TMEM232: variants seen among roughly 807,000 people sequenced by gnomAD.
TMEM232 encodes the protein transmembrane protein 232.
Under a neutral mutation model 78.8 loss-of-function variants are expected in TMEM232, and 80 were observed. The observed-to-expected ratio is 1.01, with a 90% CI of 0.85 to 1.22. TMEM232 has a LOEUF of 1.22. Ranked by LOEUF, TMEM232 falls within the 50% of genes most tolerant of loss-of-function variation. TMEM232 has a pLI of 0.00. For synonymous variants in TMEM232, 297 were observed against 254.3 expected (o/e 1.17, Z -1.60); for missense variants, 881 against 742.2 (o/e 1.19, Z -2.17).
At position 110,704,177 on chromosome 5, in the gene TMEM232, G is replaced by C. The variant is rs559971853; in HGVS notation, c.-13+22450C>G. Among the ~76,000 whole-genome samples, 5 of 152,160 alleles carry C rather than the reference G, an allele frequency of 3.3e-5. No homozygotes were observed. In the South Asian group the frequency reaches 8.3e-4, roughly 25 times the overall value. ...TTAAGTATCATGATCACTAGACATA[G>C]GACTATGTTTATTGGAAGAGACATC... On this transcript the variant is annotated intron_variant, in intron 1 of 13. Transcript: ENST00000455884.
intron 12 of TMEM232, among the ~76,000 whole-genome samples, chr5:110,443,827 C>T (rs567017373): frequency 6.6e-6 from 1 of 152,246 alleles, no homozygotes; most frequent in African/African-American, 2.4e-5. Context: ...TGGGTCCTTC[C>T]TTTCAAGGCA....
chr5:110,394,953 T>TG (rs1166007898), intron 3 of TMEM232, among the ~76,000 whole-genome samples: 1 of 152,034 alleles, frequency 6.6e-6, no homozygotes, highest in Non-Finnish European at 1.5e-5. Flanking sequence ...GGAAGAAGTG[T>TG]GGGGGTAGTT....
At chr5:110,528,915 A>G (rs1232591843) in intron 11 of TMEM232, 80 bp from the exon 12 acceptor site, 2 of 1,161,734 alleles carry the variant, frequency 1.7e-6, no homozygotes, top group African/African-American at 1.6e-5. Flanking sequence ...TAAATTTTTT[A>G]AAGTATCTTT....
At chr5:110,651,450 G>C (rs751856065) in intron 2 of TMEM232, among the ~76,000 whole-genome samples, 1 of 145,378 alleles carries the variant, frequency 6.9e-6, no homozygotes, top group Non-Finnish European at 1.5e-5. Context: ...GGGAGGAAAA[G>C]GGAAAGGGAA....
At chr5:110,721,109 G>A (rs1207886149) in intron 1 of TMEM232, among the ~76,000 whole-genome samples, 1 of 152,020 alleles carries the variant, frequency 6.6e-6, no homozygotes, top group South Asian at 2.1e-4. Context: ...TCCCGGTAAA[G>A]TTATAAGACA....
At chr5:110,591,485 C>G (rs1461050379) in intron 10 of TMEM232, among the ~76,000 whole-genome samples, 1 of 152,238 alleles carries the variant, frequency 6.6e-6, no homozygotes, top group African/African-American at 2.4e-5. Flanking sequence ...AAAAGAAATA[C>G]TTCCTCACCT....
chr5:110,515,613 A>C (rs1768498243), intron 12 of TMEM232, among the ~76,000 whole-genome samples: 2 of 152,202 alleles, frequency 1.3e-5, no homozygotes, highest in Non-Finnish European at 2.9e-5. Flanking sequence ...ATAATTCAAA[A>C]TGTAAACCAT....
intron 2 of TMEM232, among the ~76,000 whole-genome samples, chr5:110,651,119 G>A (rs1466888962): frequency 1.3e-5 from 2 of 152,062 alleles, no homozygotes; most frequent in African/African-American, 4.8e-5. Context: ...TAGGCAAGAG[G>A]ACACAAAACG....
chr5:110,707,861 C>T (rs984569542), intron 1 of TMEM232, among the ~76,000 whole-genome samples: 18 of 152,158 alleles, frequency 1.2e-4, no homozygotes, highest in Non-Finnish European at 2.4e-4. Context: ...AGTCATGAGG[C>T]TCCTGTTCCA....
At chr5:110,560,042 A>G (rs565511544) in intron 11 of TMEM232, among the ~76,000 whole-genome samples, 2 of 152,288 alleles carry the variant, frequency 1.3e-5, no homozygotes, top group South Asian at 4.1e-4. Context: ...TTAACTAATT[A>G]CAACTACAAT....
At chr5:110,614,748 G>C (rs962738680) in intron 8 of TMEM232, among the ~76,000 whole-genome samples, 2 of 151,846 alleles carry the variant, frequency 1.3e-5, no homozygotes, top group African/African-American at 2.4e-5. Context: ...AGTTTTCCAA[G>C]GGCTTACGTA....
chr5:110,714,853 G>A (rs1580769332), intron 1 of TMEM232, among the ~76,000 whole-genome samples: 1 of 152,078 alleles, frequency 6.6e-6, no homozygotes, highest in Non-Finnish European at 1.5e-5. Context: ...AAAAAGGACT[G>A]ACCTATAAAC....
At chr5:110,603,089 A>G (rs1339436418) in intron 10 of TMEM232, among the ~76,000 whole-genome samples, 2 of 152,124 alleles carry the variant, frequency 1.3e-5, no homozygotes, top group African/African-American at 4.8e-5. Context: ...GGAGTTGAAC[A>G]ATGGGAACCC....
At chr5:110,433,317 CAAG>C (rs1758064086) in intron 12 of TMEM232, among the ~76,000 whole-genome samples, 1 of 151,580 alleles carries the variant, frequency 6.6e-6, no homozygotes, top group Non-Finnish European at 1.5e-5. Flanking sequence ...AAGTCAATAC[CAAG>C]AAGAACTCTC....
intron 10 of TMEM232, among the ~76,000 whole-genome samples, chr5:110,575,466 T>C (rs1418326286): frequency 6.6e-6 from 1 of 152,064 alleles, no homozygotes; most frequent in Admixed American, 6.6e-5. Context: ...AATTTCATGA[T>C]CTTTTCTAAT....
At position 110,533,158 on chromosome 5, in the gene TMEM232, C is replaced by A. The variant is rs113591470; in HGVS notation, c.1456-4323G>T. On this transcript the variant is annotated intron_variant, in intron 11 of 13. Transcript: ENST00000455884. ...TCTCTTTGCTTTCACCTGGACTGAC[C>A]CTGACATCCATCAGTCCCAGCAGAT... Among the ~76,000 whole-genome samples, 873 of 152,268 alleles carry A rather than the reference C, an allele frequency of 5.7e-3. 5 individuals are homozygous for A. Among genetic ancestry groups the A allele is most frequent in the African/African-American group, 0.02 (816 of 41,522 alleles).
At chr5:110,501,352 A>C (rs1042607585) in intron 12 of TMEM232, among the ~76,000 whole-genome samples, 1 of 152,036 alleles carries the variant, frequency 6.6e-6, no homozygotes, top group Non-Finnish European at 1.5e-5. Context: ...GAATTGTAAG[A>C]GAAAAGTAGA....
chr5:110,615,039 A>G (rs942838917), intron 8 of TMEM232, among the ~76,000 whole-genome samples: 3 of 151,954 alleles, frequency 2.0e-5, no homozygotes, highest in Non-Finnish European at 2.9e-5. Context: ...TCAAACTGCA[A>G]TACTCAGTAG....
At chr5:110,479,431 A>T (rs1439498226) in intron 12 of TMEM232, among the ~76,000 whole-genome samples, 1 of 151,812 alleles carries the variant, frequency 6.6e-6, no homozygotes, top group Non-Finnish European at 1.5e-5. Flanking sequence ...AATAACAGAA[A>T]GCCCTTCATG....
Sources: allele counts gnomAD v4.1 joint callset (sites outside exome capture counted in the v4.1 genomes callset), GRCh38; gene constraint gnomAD v4.1.1; transcripts MANE v1.5; gene names NCBI Gene and HGNC (gene_info 2026-07-23, HGNC 2026-07-21).